DGKB: variants seen among roughly 807,000 people sequenced by gnomAD.
DGKB encodes diacylglycerol kinase beta, also known as 90 kDa diacylglycerol kinase.
DGKB carries 67 observed loss-of-function variants against 114.3 expected under a neutral mutation model. That is an observed-to-expected ratio of 0.59 (90% CI 0.48 to 0.72). DGKB has a LOEUF of 0.72. DGKB is among the 30% of genes least tolerant of loss of function. The pLI, the probability that DGKB is intolerant of heterozygous loss-of-function variation, is 0.00. For synonymous variants in DGKB, 398 were observed against 323.1 expected, an observed-to-expected ratio of 1.23 and a Z score of -2.49; for missense variants, 907 against 975.2, an observed-to-expected ratio of 0.93 and a Z score of 0.93.
At chr7:14,700,811 T>G (rs1825036795) in intron 7 of DGKB, among the ~76,000 whole-genome samples, 2 of 152,204 alleles carry the variant, frequency 1.3e-5, no homozygotes, top group African/African-American at 4.8e-5. Context: ...ACATTTGTTT[T>G]TAATAATATT....
At chr7:14,354,534 A>G (rs991512039) in intron 21 of DGKB, among the ~76,000 whole-genome samples, 2 of 152,138 alleles carry the variant, frequency 1.3e-5, no homozygotes, top group Non-Finnish European at 2.9e-5. Flanking sequence ...TCTACATAAC[A>G]CTTACTTTGT....
chr7:14,953,969 C>G (rs1263244354), intron 1 of DGKB, among the ~76,000 whole-genome samples: 3 of 152,008 alleles, frequency 2.0e-5, no homozygotes, highest in Admixed American at 6.6e-5. Context: ...CCCACCAGCC[C>G]AACTGAAGAA....
At chr7:14,297,536 A>T (rs1802790069) in intron 23 of DGKB, among the ~76,000 whole-genome samples, 1 of 152,116 alleles carries the variant, frequency 6.6e-6, no homozygotes, top group African/African-American at 2.4e-5. Context: ...AATAAAGTAG[A>T]TATTGATGAA....
At chr7:14,747,779 G>GCGCA (rs1554636463) in intron 4 of DGKB, among the ~76,000 whole-genome samples, 4 of 148,502 alleles carry the variant, frequency 2.7e-5, no homozygotes, top group African/African-American at 9.9e-5. Context: ...CCACGCGCAC[G>GCGCA]CACACACACA....
intron 17 of DGKB, among the ~76,000 whole-genome samples, chr7:14,602,066 C>T (rs1803648410): frequency 6.6e-6 from 1 of 152,082 alleles, no homozygotes; most frequent in African/African-American, 2.4e-5. Context: ...GTTACATTAG[C>T]ACCTCACTCC....
intron 1 of DGKB, among the ~76,000 whole-genome samples, chr7:14,869,314 C>G (rs529505029): frequency 6.6e-6 from 1 of 152,186 alleles, no homozygotes; most frequent in East Asian, 1.9e-4. Context: ...ACTTTGAAAT[C>G]CTGTCAGATT....
chr7:14,973,302 A>G (rs1412556202), intron 1 of DGKB, among the ~76,000 whole-genome samples: 1 of 151,882 alleles, frequency 6.6e-6, no homozygotes, highest in East Asian at 1.9e-4. Flanking sequence ...TTGAAATTAA[A>G]TGTATTTTCT....
chr7:14,584,958 C>A (rs568024890), intron 17 of DGKB, among the ~76,000 whole-genome samples: 4 of 152,020 alleles, frequency 2.6e-5, no homozygotes, highest in African/African-American at 9.7e-5. Flanking sequence ...CCTTGCCGGG[C>A]GAGATGTCTT....
chr7:14,771,405 A>AC (rs1419973743), intron 2 of DGKB, among the ~76,000 whole-genome samples: 2 of 151,984 alleles, frequency 1.3e-5, no homozygotes, highest in African/African-American at 4.8e-5. Context: ...AAGCAGCCTG[A>AC]CCCTCACTTT....
chr7:14,500,244 T>A (rs1295036646), intron 20 of DGKB, among the ~76,000 whole-genome samples: 2 of 151,894 alleles, frequency 1.3e-5, no homozygotes, highest in African/African-American at 4.8e-5. Flanking sequence ...TTAACTGTAT[T>A]GATCCAGACT....
At chr7:14,846,338 G>C (rs1325794379) in intron 1 of DGKB, among the ~76,000 whole-genome samples, 2 of 152,144 alleles carry the variant, frequency 1.3e-5, no homozygotes, top group Non-Finnish European at 2.9e-5. Context: ...CACGTGATAT[G>C]ACATGTAGCT....
chr7:14,726,028 A>C (rs181421223), intron 5 of DGKB, among the ~76,000 whole-genome samples: 24 of 152,366 alleles, frequency 1.6e-4, no homozygotes, highest in African/African-American at 5.5e-4. Context: ...TAAAATACAT[A>C]CACATATTAT....
intron 23 of DGKB, among the ~76,000 whole-genome samples, chr7:14,202,100 T>C (rs906554736): frequency 6.6e-6 from 1 of 152,016 alleles, no homozygotes; most frequent in Non-Finnish European, 1.5e-5. Context: ...CATTAATGGA[T>C]TATCTATAAT....
At chr7:14,404,645 T>TG (rs1180185649) in intron 21 of DGKB, among the ~76,000 whole-genome samples, 1 of 151,908 alleles carries the variant, frequency 6.6e-6, no homozygotes, top group Non-Finnish European at 1.5e-5. Flanking sequence ...CCCAAGGCCA[T>TG]GGTCTCTAGT....
intron 17 of DGKB, among the ~76,000 whole-genome samples, chr7:14,598,591 T>C (rs62445566): frequency 0.019 from 2,944 of 152,318 alleles, 48 homozygotes; most frequent in Non-Finnish European, 0.028. Flanking sequence ...ACAGATTATG[T>C]ATTCATCAAC....
At chr7:14,771,136 A>G (rs1419091271) in intron 2 of DGKB, among the ~76,000 whole-genome samples, 6 of 152,160 alleles carry the variant, frequency 3.9e-5, no homozygotes, top group Non-Finnish European at 8.8e-5. Flanking sequence ...ATCTGGTTAA[A>G]GTAAATTTAC....
intron 20 of DGKB, among the ~76,000 whole-genome samples, chr7:14,569,728 A>T (rs1798096997): frequency 6.6e-6 from 1 of 152,008 alleles, no homozygotes; most frequent in South Asian, 2.1e-4. Context: ...CTATTTTGTC[A>T]TACATATTTT....
chr7:14,825,708 A>T (rs1184583348), intron 2 of DGKB, among the ~76,000 whole-genome samples: 1 of 152,132 alleles, frequency 6.6e-6, no homozygotes, highest in Non-Finnish European at 1.5e-5. Context: ...GGTCAGTGGC[A>T]GGGGTATTGA....
intron 20 of DGKB, among the ~76,000 whole-genome samples, chr7:14,554,371 T>C (rs770924346): frequency 6.6e-6 from 1 of 152,218 alleles, no homozygotes; most frequent in Non-Finnish European, 1.5e-5. Context: ...GGACAATTTG[T>C]TTTTGTAATT....
Sources: allele counts gnomAD v4.1 joint callset (sites outside exome capture counted in the v4.1 genomes callset), GRCh38; gene constraint gnomAD v4.1.1; transcripts MANE v1.5; gene names NCBI Gene and HGNC (gene_info 2026-07-23, HGNC 2026-07-21).